Variants in ADGRG2 observed in about 807,000 individuals in gnomAD.
The protein encoded by ADGRG2 is G protein-coupled receptor 64.
A neutral mutation model predicts 74.1 loss-of-function variants in ADGRG2; 26 were observed. The observed-to-expected ratio is 0.35, with a 90% CI of 0.26 to 0.49. The LOEUF is 0.49. ADGRG2 is among the 20% of genes least tolerant of loss of function. The pLI, the probability that ADGRG2 is intolerant of heterozygous loss-of-function variation, is 0.99. For missense variants in ADGRG2, 619 were observed against 763.1 expected (o/e 0.81, Z 2.22); for synonymous variants, 296 against 295.2 (o/e 1.00, Z -0.03).
intron 12 of ADGRG2, 71 bp downstream of exon 12, chrX:19,023,838 T>A: frequency 1.4e-6 from 1 of 718,525 alleles, no homozygotes; most frequent in African/African-American, 2.1e-5. Flanking sequence ...CTCCCAGGAA[T>A]GCAGAACCCT....
intron 1 of ADGRG2, among the ~76,000 whole-genome samples, chrX:19,114,769 A>C (rs988149767): frequency 8.9e-6 from 1 of 111,965 alleles, no homozygotes; most frequent in Non-Finnish European, 1.9e-5. Context: ...TGACAGGCTT[A>C]CAAAGGTCAG....
chrX:19,103,929 C>T (rs746562312), intron 1 of ADGRG2, among the ~76,000 whole-genome samples: 1 of 111,289 alleles, frequency 9.0e-6, no homozygotes, highest in Admixed American at 9.6e-5. Context: ...AAGGCTGGGT[C>T]CTATCACACG....
chrX:19,006,316 A>G, intron 20 of ADGRG2, 51 bp from the exon 21 acceptor site: 1 of 878,116 alleles, frequency 1.1e-6, no homozygotes, highest in Non-Finnish European at 1.6e-6. Flanking sequence ...ACTAAAAAAA[A>G]AAAAAGCAAA....
intron 18 of ADGRG2, 48 bp downstream of exon 18, chrX:19,009,578 C>T (rs997921680): frequency 4.6e-6 from 5 of 1,081,308 alleles, no homozygotes; most frequent in Non-Finnish European, 2.6e-6. Flanking sequence ...ATGGGGACTA[C>T]AATCACACAC....
At chrX:19,074,672 C>T (rs1333751840) in intron 2 of ADGRG2, among the ~76,000 whole-genome samples, 3 of 103,247 alleles carry the variant, frequency 2.9e-5, no homozygotes, top group Non-Finnish European at 3.9e-5. Flanking sequence ...CAGGTTCAAG[C>T]GATTCTCCTG....
chrX:19,014,088 T>C lies in ADGRG2; in HGVS notation c.711-14A>G, dbSNP rs767339945. On this transcript the variant is annotated splice_polypyrimidine_tract_variant and intron_variant, in intron 15 of 28. Transcript: ENST00000379869. ...TCCTGCAGGTCACTAAAGGAACAAA[T>C]CAGAGAGATACATGTGAGACACGAA... 2.6e-6 allele frequency: 3 copies of C among 1,170,230 alleles called. No individual in the cohort carries two copies. The highest frequency in any genetic ancestry group is 3.5e-6 in the Non-Finnish European group (3 of 869,402).
At chrX:19,107,966 G>T (rs1483531769) in intron 1 of ADGRG2, among the ~76,000 whole-genome samples, 3 of 107,327 alleles carry the variant, frequency 2.8e-5, no homozygotes, top group Non-Finnish European at 5.8e-5. Flanking sequence ...CAGGTGTGGT[G>T]GCACGCACCT....
At position 18,999,172 on chromosome X, in the gene ADGRG2, C is replaced by A. The variant is rs1338309137; in HGVS notation, c.2438G>T (p.Cys813Phe). ...CAGTTGCTTCTTCTTTTTAATTCGACAGAGCTGAACCAGGACCACAATGAA... is the reference window on the plus strand; with the variant it reads ...CAGTTGCTTCTTCTTTTTAATTCGAAAGAGCTGAACCAGGACCACAATGAA... ...SMFIVVLVQL[C>F]RIKKKKQLGA... The change falls in exon 26 of 29, where the codon TGT (cysteine) becomes TTT (phenylalanine). Residue 813 changes from cysteine (C) to phenylalanine (F), a missense_variant. Physicochemically the swap from Cys to Phe is radical, Grantham distance 205 (BLOSUM62 -2). Transcript: ENST00000379869. 8 of 1,210,414 alleles carry A rather than the reference C, an allele frequency of 6.6e-6. No homozygotes were observed. The highest frequency in any genetic ancestry group is 2.2e-5 in the Admixed American group (1 of 45,976).
chrX:19,069,693 A>C (rs1165523506), intron 2 of ADGRG2, among the ~76,000 whole-genome samples: 2 of 111,278 alleles, frequency 1.8e-5, no homozygotes. Context: ...ATGGCTTGAC[A>C]GTGCGACTTC....
intron 3 of ADGRG2, among the ~76,000 whole-genome samples, chrX:19,058,855 T>C (rs926889451): frequency 3.6e-5 from 4 of 112,593 alleles, no homozygotes; most frequent in Non-Finnish European, 7.5e-5. Flanking sequence ...TAAGGAATGC[T>C]ATTAAGGTGC....
At chrX:19,097,340 C>T (rs1259956815) in intron 1 of ADGRG2, among the ~76,000 whole-genome samples, 10 of 112,315 alleles carry the variant, frequency 8.9e-5, no homozygotes, top group African/African-American at 2.9e-4. Context: ...GGCAAAACCC[C>T]ATCTCTACTA....
intron 7 of ADGRG2, chrX:19,034,294 T>A (rs2060888219): frequency 9.0e-6 from 1 of 111,704 alleles, no homozygotes; most frequent in African/African-American, 3.3e-5. Flanking sequence ...TTTAGAAATG[T>A]CTTCCAAACA....
At chrX:19,000,029 T>C (rs2060094925) in intron 24 of ADGRG2, 69 bp from the exon 25 acceptor site, 1 of 581,258 alleles carries the variant, frequency 1.7e-6, no homozygotes, top group Admixed American at 2.6e-5. Context: ...ATTCTTGCTC[T>C]GTCACCCAGG....
chrX:19,060,657 C>T (rs772546892), intron 3 of ADGRG2, among the ~76,000 whole-genome samples: 2 of 109,474 alleles, frequency 1.8e-5, no homozygotes, highest in South Asian at 8.0e-4. Flanking sequence ...AAGCAATTCT[C>T]CTGCCTCAGG....
At chrX:19,119,107 T>C (rs144774099) in intron 1 of ADGRG2, among the ~76,000 whole-genome samples, 1,254 of 112,047 alleles carry the variant, frequency 0.011, 20 homozygotes, top group African/African-American at 0.038. Flanking sequence ...TACATCCTGA[T>C]ACGGTGGTGG....
intron 1 of ADGRG2, among the ~76,000 whole-genome samples, chrX:19,121,439 A>T (rs1348822908): frequency 9.0e-6 from 1 of 111,331 alleles, no homozygotes; most frequent in Non-Finnish European, 1.9e-5. Context: ...TTATAGTAGC[A>T]AGTGTTTTTG....
intron 15 of ADGRG2, among the ~76,000 whole-genome samples, chrX:19,018,911 CG>C (rs1156720720): frequency 1.8e-5 from 2 of 111,810 alleles, no homozygotes; most frequent in African/African-American, 6.5e-5. Context: ...GGCGCAACCT[CG>C]GCTCACTGCA....
At chrX:18,993,670 C>A (rs1316511441) in intron 28 of ADGRG2, among the ~76,000 whole-genome samples, 3 of 99,187 alleles carry the variant, frequency 3.0e-5, no homozygotes, top group Non-Finnish European at 6.0e-5. Context: ...AATAGGAGAC[C>A]TTGTCATAAA....
intron 24 of ADGRG2, among the ~76,000 whole-genome samples, chrX:19,000,987 G>A (rs373844378): frequency 1.4e-4 from 15 of 110,749 alleles, no homozygotes; most frequent in African/African-American, 4.9e-4. Context: ...CGCCCACCTC[G>A]GCCTCCCAAA....
Sources: allele counts gnomAD v4.1 joint callset (sites outside exome capture counted in the v4.1 genomes callset), GRCh38; gene constraint gnomAD v4.1.1; transcripts MANE v1.5; gene names NCBI Gene and HGNC (gene_info 2026-07-23, HGNC 2026-07-21).